TUSC3: variants seen among roughly 807,000 people sequenced by gnomAD.
TUSC3 encodes the protein dolichyl-diphosphooligosaccharide--protein glycosyltransferase subunit TUSC3.
TUSC3 carries 45 observed loss-of-function variants against 44.8 expected under a neutral mutation model. The observed-to-expected ratio is 1.00, with a 90% confidence interval of 0.79 to 1.29. TUSC3 has a LOEUF of 1.29. TUSC3 is among the 50% of genes most tolerant of loss of function. The pLI, the probability that TUSC3 is intolerant of heterozygous loss-of-function variation, is 0.00. For synonymous variants in TUSC3, 212 were observed against 152.9 expected, an observed-to-expected ratio of 1.39 and a Z score of -2.85; for missense variants, 519 against 437.9, an observed-to-expected ratio of 1.19 and a Z score of -1.65.
At chr8:15,788,818 G>A in the TUSC3 span, among the ~76,000 whole-genome samples, 1 of 152,156 alleles carries the variant, frequency 6.6e-6, no homozygotes, top group South Asian at 2.1e-4. Context: ...CACTAAGTAG[G>A]TAAGTTGCAA....
chr8:15,782,223 A>G, the TUSC3 span, among the ~76,000 whole-genome samples: 5 of 152,242 alleles, frequency 3.3e-5, no homozygotes, highest in Admixed American at 3.3e-4. Flanking sequence ...CTGTAGTCCC[A>G]GCACTTTGGG....
intron 1 of TUSC3, among the ~76,000 whole-genome samples, chr8:15,419,622 T>C (rs993342501): frequency 6.6e-6 from 1 of 152,180 alleles, no homozygotes; most frequent in Admixed American, 6.5e-5. Flanking sequence ...TGAATTCAAT[T>C]AAATAATGCA....
chr8:15,535,998 C>CT (rs1273560188), upstream of TUSC3, among the ~76,000 whole-genome samples: 1 of 152,116 alleles, frequency 6.6e-6, no homozygotes, highest in Non-Finnish European at 1.5e-5. Flanking sequence ...TTTTTTGCAA[C>CT]TTTTTTAAAG....
rs552776889 is a variant in TUSC3 at position 15,436,835 on chromosome 8, T to C, written n.91+19530T>C. 2.0e-5 allele frequency among the ~76,000 whole-genome samples: 3 copies of C among 152,290 alleles called. No homozygotes were observed. The East Asian group carries it at 5.8e-4, about 29-fold the overall frequency. ...AGAGGTTAACTCATAAGCCTGTGTA[T>C]AGGAAGAGGCACAGTCTGAAGTATA... On this transcript the variant is annotated intron_variant and non_coding_transcript_variant, in intron 1 of 5. Transcript: ENST00000503191.
intron 1 of TUSC3, among the ~76,000 whole-genome samples, chr8:15,563,069 C>A (rs941492191): frequency 6.6e-6 from 1 of 152,056 alleles, no homozygotes; most frequent in Non-Finnish European, 1.5e-5. Flanking sequence ...GGCAAGCCTG[C>A]ACTTTTAGAT....
chr8:15,808,072 A>G, the TUSC3 span, among the ~76,000 whole-genome samples: 1 of 152,206 alleles, frequency 6.6e-6, no homozygotes, highest in African/African-American at 2.4e-5. Flanking sequence ...AAAGCATCCT[A>G]CATATACTAG....
At chr8:15,708,273 T>C (rs752791697) in intron 6 of TUSC3, among the ~76,000 whole-genome samples, 1 of 151,892 alleles carries the variant, frequency 6.6e-6, no homozygotes, top group Non-Finnish European at 1.5e-5. Flanking sequence ...AAATGGAGTG[T>C]GGAGGAATAC....
At chr8:15,666,865 A>G (rs998787932) in intron 5 of TUSC3, among the ~76,000 whole-genome samples, 1 of 151,400 alleles carries the variant, frequency 6.6e-6, no homozygotes, top group African/African-American at 2.4e-5. Flanking sequence ...CATTTGTGTA[A>G]AGAGTTAGGA....
the TUSC3 span, among the ~76,000 whole-genome samples, chr8:15,781,248 C>T: frequency 5.3e-5 from 8 of 152,188 alleles, no homozygotes; most frequent in Admixed American, 2.0e-4. Flanking sequence ...CACTCACTCT[C>T]GGCTTCATGA....
chr8:15,840,243 G>A, the TUSC3 span, among the ~76,000 whole-genome samples: 26 of 152,130 alleles, frequency 1.7e-4, no homozygotes, highest in African/African-American at 6.0e-4. Context: ...GGGGGAAGGA[G>A]GGAGGGAAAG....
chr8:15,751,681 G>T (rs1421252), intron 9 of TUSC3, among the ~76,000 whole-genome samples: 3 of 151,588 alleles, frequency 2.0e-5, no homozygotes, highest in East Asian at 2.0e-4. Context: ...CAAATACAAT[G>T]ACAAGTACCT....
chr8:15,616,850 T>C (rs959503866), intron 1 of TUSC3, among the ~76,000 whole-genome samples: 6 of 152,022 alleles, frequency 3.9e-5, no homozygotes, highest in Non-Finnish European at 8.8e-5. Context: ...CAGAAGCAGG[T>C]CGCCGCATGC....
At chr8:15,429,600 C>A (rs957110789) in intron 1 of TUSC3, among the ~76,000 whole-genome samples, 1 of 151,526 alleles carries the variant, frequency 6.6e-6, no homozygotes, top group African/African-American at 2.4e-5. Flanking sequence ...ATTCTTCCTA[C>A]CCATGAACAT....
chr8:15,477,110 G>A (rs940549024), intron 1 of TUSC3, among the ~76,000 whole-genome samples: 26 of 152,268 alleles, frequency 1.7e-4, no homozygotes, highest in Admixed American at 1.5e-3. Context: ...CAGTCCTTTT[G>A]TTACTTAGGT....
chr8:15,700,576 G>C (rs1241427090), intron 6 of TUSC3, among the ~76,000 whole-genome samples: 1 of 152,108 alleles, frequency 6.6e-6, no homozygotes, highest in Non-Finnish European at 1.5e-5. Flanking sequence ...AGGGAACAGA[G>C]AGTAATTTGA....
At chr8:15,513,282 C>CTA (rs1014343668) in intron 2 of TUSC3, among the ~76,000 whole-genome samples, 1 of 151,878 alleles carries the variant, frequency 6.6e-6, no homozygotes, top group African/African-American at 2.4e-5. Flanking sequence ...AGCAACTTGA[C>CTA]TATAGTCATG....
chr8:15,532,912 C>A (rs761971777), intron 2 of TUSC3, among the ~76,000 whole-genome samples: 3 of 152,200 alleles, frequency 2.0e-5, no homozygotes, highest in African/African-American at 7.2e-5. Context: ...CCTGCCTCCA[C>A]TTCTTGAGTA....
intron 6 of TUSC3, among the ~76,000 whole-genome samples, chr8:15,723,231 C>G (rs1021674478): frequency 2.0e-5 from 3 of 152,052 alleles, no homozygotes; most frequent in African/African-American, 7.2e-5. Context: ...CACAACAGAT[C>G]GTGCAGTAAG....
chr8:15,748,020 G>C (rs747827178), intron 8 of TUSC3, among the ~76,000 whole-genome samples: 1 of 152,064 alleles, frequency 6.6e-6, no homozygotes, highest in African/African-American at 2.4e-5. Context: ...CAATAATCTT[G>C]TTTGTGGTTT....
Sources: allele counts gnomAD v4.1 joint callset (sites outside exome capture counted in the v4.1 genomes callset), GRCh38; gene constraint gnomAD v4.1.1; transcripts MANE v1.5; gene names NCBI Gene and HGNC (gene_info 2026-07-23, HGNC 2026-07-21).